The following WDR4 variants were observed in gnomAD, a reference collection of about 807,000 sequenced individuals.
WDR4 encodes the protein tRNA (guanine-N(7)-)-methyltransferase non-catalytic subunit WDR4.
In WDR4, 47 loss-of-function variants were observed where a neutral mutation model predicts 48.6. The ratio of observed to expected loss-of-function variants is 0.97; its 90% CI spans 0.77 to 1.23. The LOEUF (loss-of-function observed/expected upper bound fraction) is 1.23. Among genes scored for constraint, WDR4 ranks in the 50% most tolerant of loss-of-function variants. The pLI, the probability that WDR4 is intolerant of heterozygous loss-of-function variation, is 0.00. For synonymous variants in WDR4, 268 were observed against 230.0 expected, an observed-to-expected ratio of 1.17 and a Z score of -1.49; for missense variants, 606 against 551.6, an observed-to-expected ratio of 1.10 and a Z score of -0.99.
chr21:42,853,196 G>A (rs943727093), intron 9 of WDR4, among the ~76,000 whole-genome samples: 20 of 152,112 alleles, frequency 1.3e-4, no homozygotes, highest in Non-Finnish European at 2.5e-4. Flanking sequence ...ACATGCTCCT[G>A]AGGACTCAGC....
At chr21:42,890,331 C>T in the WDR4 span, among the ~76,000 whole-genome samples, 7 of 152,016 alleles carry the variant, frequency 4.6e-5, no homozygotes, top group African/African-American at 1.7e-4. Flanking sequence ...GTCAAGAGTT[C>T]GAGACCAGCT....
chr21:42,887,056 A>C, the WDR4 span: 1 of 152,298 alleles, frequency 6.6e-6, no homozygotes, highest in Admixed American at 6.6e-5. Flanking sequence ...GCAATGGCGC[A>C]ATCTCGAGTC....
Position 42,855,628 on chromosome 21 carries a change from G to A in WDR4, c.726+54C>T, listed in dbSNP as rs368168818. ...AGTGACTTTTCCACTCAAGTCAGGC[G>A]ACTGCCGGTGTCTACAAGCACTCAG... is the stretch of plus-strand genomic sequence containing the variant. On this transcript the variant is annotated intron_variant, in intron 7 of 10. Transcript: ENST00000398208. 2.4e-5 allele frequency: 33 copies of A among 1,354,744 alleles called. No individual in the cohort carries two copies. In the East Asian group the frequency reaches 2.6e-4, roughly 11 times the overall value. The allele number at this position is 1,354,744 out of a possible 1,614,324, so 83.9% of individuals were successfully genotyped here.
chr21:42,879,501 C>CG lies in WDR4; in HGVS notation c.-7dup, dbSNP rs1569341205. 6.2e-7 allele frequency: 1 copy of CG among 1,613,082 alleles called. No homozygotes were observed. Among genetic ancestry groups the CG allele is most frequent in the East Asian group, 2.2e-5 (1 of 44,856 alleles). ...AGTCCCACAGAGCCCGCCATGTACCCGCCCGCCTCACCGCCATACACATGT... is the reference window on the plus strand; with the variant it reads ...AGTCCCACAGAGCCCGCCATGTACCCGGCCCGCCTCACCGCCATACACATGT... On this transcript the variant is annotated 5_prime_UTR_variant, in exon 1 of 11. Transcript: ENST00000398208.
chr21:42,853,772 G>C lies in WDR4; in HGVS notation c.792-20C>G. The C allele has an allele frequency of 6.5e-7, 1 of 1,544,466 alleles. No homozygotes were observed. Among genetic ancestry groups the C allele is most frequent in the Non-Finnish European group, 8.7e-7 (1 of 1,145,666 alleles). On this transcript the variant is annotated intron_variant, in intron 8 of 10. Transcript: ENST00000398208. ...GGAGTGCTTGCCACGAAGAAAGAGA[G>C]CATGATTACTAGGACTGCAGGCCCA...
At chr21:42,871,550 C>T (rs1159967710) in intron 3 of WDR4, among the ~76,000 whole-genome samples, 1 of 152,238 alleles carries the variant, frequency 6.6e-6, no homozygotes, top group Non-Finnish European at 1.5e-5. Flanking sequence ...GCTATCTTAG[C>T]AAGAGGATGC....
chr21:42,846,581 C>T (rs112880635), downstream of WDR4, among the ~76,000 whole-genome samples: 93 of 152,332 alleles, frequency 6.1e-4, no homozygotes, highest in African/African-American at 2.2e-3. Context: ...GGCATAATGG[C>T]TCGTGCCTGT....
chr21:42,879,894 C>T (rs2146125014), upstream of WDR4: 1 of 399,238 alleles, frequency 2.5e-6, no homozygotes, highest in East Asian at 3.6e-5. Context: ...AGTGAATGAA[C>T]CGGGGGCCGT....
At chr21:42,864,396 C>G (rs1465857620) in intron 3 of WDR4, among the ~76,000 whole-genome samples, 3 of 152,114 alleles carry the variant, frequency 2.0e-5, no homozygotes, top group African/African-American at 4.8e-5. Flanking sequence ...CACACTGACC[C>G]CTGCTGCTCG....
downstream of WDR4, among the ~76,000 whole-genome samples, chr21:42,848,432 A>ACG (rs1470175216): frequency 4.6e-5 from 5 of 108,714 alleles, no homozygotes; most frequent in African/African-American, 1.1e-4. Flanking sequence ...CACAGCGCAC[A>ACG]ATCACGCGGC....
intron 3 of WDR4, among the ~76,000 whole-genome samples, chr21:42,866,983 G>A (rs769926782): frequency 1.5e-4 from 23 of 152,142 alleles, no homozygotes; most frequent in Admixed American, 5.2e-4. Flanking sequence ...CCACACCATC[G>A]AGGCGGGATT....
In WDR4 at chr21:42,854,612, G is replaced by T. The variant is rs1226600187; in HGVS notation, c.741C>A (p.Ser247=). ...DPQAPQKFAA[S]RIAFWCQENC... The stretch of plus-strand genomic sequence containing the variant: ...TCTCCTGGCACCAGAATGCAATCCT[G>T]GACGCGGCAAACTTCTAAAAGGAGA... Residue 247 remains serine, a synonymous_variant, in exon 8 of 11, where the codon TCC becomes TCA. Transcript: ENST00000398208. The T allele has an allele frequency of 6.2e-7, 1 of 1,613,774 alleles. No homozygotes were observed. Among genetic ancestry groups the T allele is most frequent in the Non-Finnish European group, 8.5e-7 (1 of 1,179,920 alleles).
intron 2 of WDR4, among the ~76,000 whole-genome samples, chr21:42,874,907 G>A (rs769849342): frequency 6.6e-6 from 1 of 152,054 alleles, no homozygotes; most frequent in Non-Finnish European, 1.5e-5. Flanking sequence ...TGTGATCTCT[G>A]TGACCCACAC....
intron 3 of WDR4, among the ~76,000 whole-genome samples, chr21:42,872,034 G>A (rs1014036228): frequency 6.6e-6 from 1 of 151,812 alleles, no homozygotes; most frequent in African/African-American, 2.4e-5. Flanking sequence ...ACCCAGGCTG[G>A]AGTGCAACGG....
At chr21:42,846,523 C>A (rs964171727), downstream of WDR4, among the ~76,000 whole-genome samples, 5 of 152,282 alleles carry the variant, frequency 3.3e-5, no homozygotes, top group Admixed American at 2.6e-4. Flanking sequence ...ATGCACTTCT[C>A]GGATGTACAG....
Position 42,859,666 on chromosome 21 carries a change from G to C in WDR4, c.623C>G (p.Ser208Cys), listed in dbSNP as rs2058071140. Residue 208 changes from serine to cysteine, a missense_variant, in exon 6 of 11, where the codon TCT becomes TGT. Physicochemically the swap from Ser to Cys is moderately radical, Grantham distance 112. Transcript: ENST00000398208. ...PTQPGLLLSS[S>C]GDGTLRLWEY... ...GACGCTGGGCAGAACACTTACCCCA[G>C]AGGAGGACAGAAGCAGCCCGGGCTG... 2 of 1,350,720 alleles carry C rather than the reference G, an allele frequency of 1.5e-6. No individual in the cohort carries two copies. Among genetic ancestry groups the C allele is most frequent in the Non-Finnish European group, 2.0e-6 (2 of 1,020,346 alleles). The allele number at this position is 1,350,720 out of a possible 1,614,324, so 83.7% of individuals were successfully genotyped here.
In WDR4 at chr21:42,849,252, T is replaced by C. The variant is rs573118133; in HGVS notation, c.*797A>G. 1 of 152,626 alleles carries C rather than the reference T, an allele frequency of 6.6e-6. No individual in the cohort carries two copies. Among genetic ancestry groups the C allele is most frequent in the Non-Finnish European group, 1.5e-5 (1 of 68,206 alleles). 9.5% of individuals were successfully genotyped at this position (152,626 alleles called of 1,614,324 possible). A position where few individuals can be genotyped will look rare whatever the true frequency, so the allele number is the denominator to read the frequency against. ...AGTTTTGCCTGGTATATTCGGTTGCTGCTAAACATTCCTAGGAAGTTGAGA... is the reference window on the plus strand; with the variant it reads ...AGTTTTGCCTGGTATATTCGGTTGCCGCTAAACATTCCTAGGAAGTTGAGA... On this transcript the variant is annotated 3_prime_UTR_variant, in exon 11 of 11. Transcript: ENST00000398208.
intron 5 of WDR4, among the ~76,000 whole-genome samples, chr21:42,861,077 C>T (rs986945098): frequency 6.6e-6 from 1 of 151,964 alleles, no homozygotes; most frequent in East Asian, 1.9e-4. Context: ...TGTGGGAGGC[C>T]GAGGCGGGCG....
chr21:42,848,446 C>CA, downstream of WDR4, among the ~76,000 whole-genome samples: 1 of 119,258 alleles, frequency 8.4e-6, no homozygotes, highest in African/African-American at 3.5e-5. Context: ...ACGCGGCGCG[C>CA]ACCTCACACA....
Sources: gnomAD v4.1 joint callset for allele counts (sites outside exome capture counted in the v4.1 genomes callset) on GRCh38, gnomAD v4.1.1 for gene constraint, MANE v1.5 for transcripts, NCBI Gene and HGNC (gene_info 2026-07-23, HGNC 2026-07-21) for gene names.